Variants in CDH8 observed in about 807,000 individuals in gnomAD.
The protein encoded by CDH8 is cadherin 8, also known as cadherin-8.
CDH8 carries 17 observed loss-of-function variants against 68.1 expected under a neutral mutation model. The observed-to-expected ratio is 0.25, with a 90% CI of 0.17 to 0.37. The LOEUF is 0.37. Ranked by LOEUF, CDH8 falls within the 10% of genes least tolerant of loss-of-function variation. The probability of loss-of-function intolerance (pLI) is 1.00; values close to 1 mark genes in which losing one functional copy is unlikely to be tolerated. For missense variants in CDH8, 763 were observed against 999.3 expected, an observed-to-expected ratio of 0.76 and a Z score of 3.19; for synonymous variants, 372 against 365.1, an observed-to-expected ratio of 1.02 and a Z score of -0.21.
intron 2 of CDH8, among the ~76,000 whole-genome samples, chr16:61,958,595 C>G (rs1395686140): frequency 6.6e-6 from 1 of 152,080 alleles, no homozygotes; most frequent in Non-Finnish European, 1.5e-5. Context: ...TTCTCTAAAG[C>G]CTCCTGGCTG....
intron 10 of CDH8, among the ~76,000 whole-genome samples, chr16:61,666,433 G>T (rs781396153): frequency 1.2e-4 from 18 of 151,870 alleles, no homozygotes; most frequent in Non-Finnish European, 2.5e-4. Context: ...TTCTCTATTT[G>T]TTTTAGTGTA....
intron 1 of CDH8, chr16:62,034,945 C>G (rs1174476399): frequency 6.6e-6 from 1 of 152,224 alleles, no homozygotes; most frequent in Non-Finnish European, 1.5e-5. Flanking sequence ...TGGAGGCAAA[C>G]GGCTAGTCCT....
At chr16:61,680,811 C>T (rs1963999200) in intron 10 of CDH8, among the ~76,000 whole-genome samples, 2 of 151,772 alleles carry the variant, frequency 1.3e-5, no homozygotes, top group African/African-American at 4.8e-5. Flanking sequence ...AGATTCTGCA[C>T]CTAATATAGC....
rs187890868 is a variant in CDH8, at chr16:61,768,282, G to A, written c.1414+21064C>T. Among the ~76,000 whole-genome samples, 334 of 147,454 alleles carry A rather than the reference G, an allele frequency of 2.3e-3. 2 individuals are homozygous for A. The highest frequency in any genetic ancestry group is 7.9e-3 in the African/African-American group (317 of 40,114). ...TTCCAGAGGGTTGGTTCCCGGAAGA[G>A]CACTTCAGGCTCTCTCTCTGTGTCT... is the stretch of plus-strand genomic sequence containing the variant. On this transcript the variant is annotated intron_variant, in intron 8 of 11. Transcript: ENST00000577390.
chr16:61,902,040 A>G (rs905808870), intron 2 of CDH8, among the ~76,000 whole-genome samples: 1 of 150,758 alleles, frequency 6.6e-6, no homozygotes, highest in Admixed American at 6.6e-5. Flanking sequence ...TACAAACAAA[A>G]GTAATTCTAA....
At chr16:61,766,631 A>G (rs11861483) in intron 8 of CDH8, among the ~76,000 whole-genome samples, 4,273 of 148,016 alleles carry the variant, frequency 0.029, 191 homozygotes, top group African/African-American at 0.1. Context: ...CCTTTTCATC[A>G]CCTCCACACT....
intron 3 of CDH8, among the ~76,000 whole-genome samples, chr16:61,859,340 T>C (rs967165799): frequency 6.6e-6 from 1 of 151,932 alleles, no homozygotes; most frequent in African/African-American, 2.4e-5. Flanking sequence ...TGAGATAAAA[T>C]TGCCAAAAAA....
rs200186915 is a variant in CDH8, at chr16:61,960,336, C to CAT, written c.253-58864_253-58863insAT. On this transcript the variant is annotated intron_variant, in intron 2 of 11. Transcript: ENST00000577390. ...ACATATATACGTGTGTGTGTATACACACATATATACATGTGTGTGTGTATA... is the reference window on the plus strand; with the variant it reads ...ACATATATACGTGTGTGTGTATACACATACATATATACATGTGTGTGTGTATA... 1.4e-3 allele frequency among the ~76,000 whole-genome samples: 59 copies of CAT among 42,300 alleles called. 13 individuals are homozygous for CAT. Among genetic ancestry groups the CAT allele is most frequent in the East Asian group, 7.1e-3 (11 of 1,550 alleles). 27.8% of individuals were successfully genotyped at this position (42,300 alleles called of 152,430 possible).
At chr16:61,789,609 T>A in intron 7 of CDH8, 127 bp from the exon 8 acceptor site, 1 of 852,004 alleles carries the variant, frequency 1.2e-6, no homozygotes, top group Admixed American at 3.6e-5. Context: ...CTCAGTGGCA[T>A]CATAATTTAT....
intron 4 of CDH8, among the ~76,000 whole-genome samples, chr16:61,852,897 T>TCCTTCCTTCCTTC: frequency 8.3e-6 from 1 of 121,206 alleles, no homozygotes; most frequent in South Asian, 2.7e-4. Flanking sequence ...TTCCTTCCAT[T>TCCTTCCTTCCTTC]CTTCCTTCCT....
At chr16:61,875,706 G>A (rs1056746266) in intron 3 of CDH8, among the ~76,000 whole-genome samples, 1 of 152,144 alleles carries the variant, frequency 6.6e-6, no homozygotes, top group African/African-American at 2.4e-5. Flanking sequence ...TATGTCAGGT[G>A]TACATCCACG....
intron 3 of CDH8, among the ~76,000 whole-genome samples, chr16:61,877,710 C>A (rs1051658954): frequency 6.6e-5 from 10 of 151,706 alleles, no homozygotes; most frequent in African/African-American, 2.4e-4. Flanking sequence ...TATATTGCAA[C>A]ATATAGAAAT....
At chr16:61,789,551 T>C (rs1309122542) in intron 7 of CDH8, 69 bp from the exon 8 acceptor site, 1 of 1,388,572 alleles carries the variant, frequency 7.2e-7, no homozygotes, top group Non-Finnish European at 9.7e-7. Context: ...AGCAGACCTT[T>C]AGTAATCCTT....
chr16:61,958,545 A>T (rs1965024292), intron 2 of CDH8, among the ~76,000 whole-genome samples: 7 of 152,188 alleles, frequency 4.6e-5, no homozygotes, highest in Admixed American at 4.6e-4. Context: ...ACAGGGAAGC[A>T]AAAATATAAA....
intron 2 of CDH8, among the ~76,000 whole-genome samples, chr16:61,954,448 G>A (rs578034220): frequency 9.2e-5 from 14 of 152,004 alleles, no homozygotes; most frequent in Admixed American, 2.6e-4. Context: ...ATAAATACTC[G>A]AAATGCACTT....
chr16:61,732,888 G>T (rs1484283613), intron 8 of CDH8, among the ~76,000 whole-genome samples: 1 of 151,724 alleles, frequency 6.6e-6, no homozygotes, highest in Non-Finnish European at 1.5e-5. Context: ...AGGTGAGTGG[G>T]TATGAAAGTG....
chr16:61,866,432 T>G (rs1963254063), intron 3 of CDH8, among the ~76,000 whole-genome samples: 2 of 152,234 alleles, frequency 1.3e-5, no homozygotes, highest in East Asian at 1.9e-4. Flanking sequence ...TTTCTCTTTA[T>G]TGTAAGAAAC....
At chr16:61,744,717 G>C (rs1348226290) in intron 8 of CDH8, among the ~76,000 whole-genome samples, 1 of 149,830 alleles carries the variant, frequency 6.7e-6, no homozygotes, top group Non-Finnish European at 1.5e-5. Flanking sequence ...TATTATTTTA[G>C]TGACAACACT....
At chr16:61,669,392 C>G (rs1963746313) in intron 10 of CDH8, among the ~76,000 whole-genome samples, 1 of 152,030 alleles carries the variant, frequency 6.6e-6, no homozygotes, top group African/African-American at 2.4e-5. Flanking sequence ...GTGTGTGTTG[C>G]TTTTCTGTTT....
Sources: gnomAD v4.1 joint callset for allele counts (sites outside exome capture counted in the v4.1 genomes callset) on GRCh38, gnomAD v4.1.1 for gene constraint, MANE v1.5 for transcripts, NCBI Gene and HGNC (gene_info 2026-07-23, HGNC 2026-07-21) for gene names.